HEMK2: variants seen among roughly 807,000 people sequenced by gnomAD.
HEMK2 encodes the protein methyltransferase HEMK2.
chr21:28,866,432 G>C, the HEMK2 span, among the ~76,000 whole-genome samples: 1 of 115,754 alleles, frequency 8.6e-6, no homozygotes, highest in Admixed American at 9.3e-5. Flanking sequence ...CTTGGTAACA[G>C]AGTGAGACTC....
At chr21:28,659,311 C>T in the HEMK2 span, among the ~76,000 whole-genome samples, 2 of 152,062 alleles carry the variant, frequency 1.3e-5, no homozygotes, top group Admixed American at 6.6e-5. Flanking sequence ...TCAAAAGATA[C>T]CTTCTAATTA....
chr21:28,586,965 G>A, the HEMK2 span, among the ~76,000 whole-genome samples: 4 of 152,152 alleles, frequency 2.6e-5, no homozygotes, highest in Admixed American at 6.5e-5. Flanking sequence ...CGTATGAAAC[G>A]TGAGAGGGTG....
the HEMK2 span, among the ~76,000 whole-genome samples, chr21:28,613,129 CAGAT>C: frequency 1.4e-3 from 212 of 151,720 alleles, 2 homozygotes; most frequent in Non-Finnish European, 2.1e-3. Flanking sequence ...GACAGATCTA[CAGAT>C]AGATAGATAC....
the HEMK2 span, among the ~76,000 whole-genome samples, chr21:28,832,901 T>C: frequency 6.6e-6 from 1 of 152,186 alleles, no homozygotes; most frequent in African/African-American, 2.4e-5. Context: ...CACTAGGTAT[T>C]GAGCTAAAGA....
chr21:28,727,175 T>C, the HEMK2 span, among the ~76,000 whole-genome samples: 1 of 152,118 alleles, frequency 6.6e-6, no homozygotes, highest in African/African-American at 2.4e-5. Flanking sequence ...AAAGCAAATA[T>C]AGGGGATTTG....
the HEMK2 span, among the ~76,000 whole-genome samples, chr21:28,735,891 C>A: frequency 6.6e-6 from 1 of 152,136 alleles, no homozygotes; most frequent in Admixed American, 6.5e-5. Flanking sequence ...ACAGTGAAGG[C>A]AAGGAGATTA....
At chr21:28,621,320 T>C in the HEMK2 span, among the ~76,000 whole-genome samples, 2 of 152,214 alleles carry the variant, frequency 1.3e-5, no homozygotes, top group Non-Finnish European at 2.9e-5. Flanking sequence ...ATTTCATTAT[T>C]TACCCAGTAG....
the HEMK2 span, among the ~76,000 whole-genome samples, chr21:28,688,254 A>G: frequency 2.0e-5 from 3 of 152,356 alleles, no homozygotes; most frequent in East Asian, 5.8e-4. Flanking sequence ...TTCGAGTGAA[A>G]TTCTTCAAAA....
At chr21:28,644,407 G>A in the HEMK2 span, among the ~76,000 whole-genome samples, 1 of 152,026 alleles carries the variant, frequency 6.6e-6, no homozygotes, top group Non-Finnish European at 1.5e-5. Context: ...AAGATTTTGG[G>A]TGGGGACACA....
the HEMK2 span, among the ~76,000 whole-genome samples, chr21:28,787,320 A>G: frequency 1.3e-5 from 2 of 152,214 alleles, no homozygotes; most frequent in Admixed American, 1.3e-4. Flanking sequence ...TTTCATGACC[A>G]AGAACCCAAA....
the HEMK2 span, among the ~76,000 whole-genome samples, chr21:28,636,298 T>C: frequency 6.6e-6 from 1 of 152,276 alleles, no homozygotes; most frequent in South Asian, 2.1e-4. Context: ...TACATGCAGC[T>C]TTCCGCACAT....
the HEMK2 span, among the ~76,000 whole-genome samples, chr21:28,814,866 A>C: frequency 2.6e-5 from 4 of 152,286 alleles, no homozygotes; most frequent in South Asian, 2.1e-4. Context: ...TTGACCCAGC[A>C]ATCCCATTAC....
At chr21:28,838,972 A>AAAAATATATATATATAT in the HEMK2 span, among the ~76,000 whole-genome samples, 9 of 29,144 alleles carry the variant, frequency 3.1e-4, no homozygotes, top group Admixed American at 9.9e-4. Context: ...AAAAAAAAAA[A>AAAAATATATATATATAT]ATATATATAT....
At chr21:28,704,922 A>G in the HEMK2 span, among the ~76,000 whole-genome samples, 1 of 152,194 alleles carries the variant, frequency 6.6e-6, no homozygotes, top group South Asian at 2.1e-4. Flanking sequence ...TGGCTTGGCA[A>G]ACTGCCTCAC....
chr21:28,831,523 G>GAAAGAAAGAAAGAAAGAAAGAAAGA, the HEMK2 span, among the ~76,000 whole-genome samples: 1 of 51,740 alleles, frequency 1.9e-5, no homozygotes, highest in Non-Finnish European at 3.4e-5. Flanking sequence ...AAGAAAGAAA[G>GAAAGAAAGAAAGAAAGAAAGAAAGA]AAGGAAAGAA....
chr21:28,588,456 C>T, the HEMK2 span, among the ~76,000 whole-genome samples: 1 of 152,186 alleles, frequency 6.6e-6, no homozygotes, highest in African/African-American at 2.4e-5. Context: ...CAAAGTTTGT[C>T]ATCCCACTCA....
the HEMK2 span, among the ~76,000 whole-genome samples, chr21:28,647,443 G>C: frequency 6.7e-6 from 1 of 149,206 alleles, no homozygotes; most frequent in Non-Finnish European, 1.5e-5. Flanking sequence ...GGAAGGCAGA[G>C]GTTGCAGTGA....
the HEMK2 span, among the ~76,000 whole-genome samples, chr21:28,712,899 A>G: frequency 1.3e-5 from 2 of 152,212 alleles, no homozygotes; most frequent in African/African-American, 4.8e-5. Context: ...AATCATGGCA[A>G]ACCTACTATT....
the HEMK2 span, among the ~76,000 whole-genome samples, chr21:28,836,157 A>G: frequency 6.6e-6 from 1 of 152,216 alleles, no homozygotes; most frequent in African/African-American, 2.4e-5. Context: ...ATTCATCGCA[A>G]AAAGATCTTC....
Sources: gnomAD v4.1 joint callset for allele counts (sites outside exome capture counted in the v4.1 genomes callset) on GRCh38, gnomAD v4.1.1 for gene constraint, MANE v1.5 for transcripts, NCBI Gene and HGNC (gene_info 2026-07-23, HGNC 2026-07-21) for gene names.